The following SHMT1 variants were observed in gnomAD, a reference collection of about 807,000 sequenced individuals.
SHMT1 encodes the protein serine hydroxymethyltransferase, cytosolic.
Under a neutral mutation model 49.0 loss-of-function variants are expected in SHMT1, and 45 were observed. That is an observed-to-expected ratio of 0.92 (90% confidence interval 0.72 to 1.18). The LOEUF (loss-of-function observed/expected upper bound fraction) is 1.18, where lower values mean the gene tolerates loss of function less well. Among genes scored for constraint, SHMT1 ranks in the 50% most tolerant of loss-of-function variants. The pLI is 0.00. For synonymous variants in SHMT1, 232 were observed against 246.6 expected (o/e 0.94, Z 0.55); for missense variants, 541 against 612.4 (o/e 0.88, Z 1.23).
intron 1 of SHMT1, among the ~76,000 whole-genome samples, chr17:18,361,662 T>C (rs1187945642): frequency 6.6e-6 from 1 of 151,464 alleles, no homozygotes; most frequent in Non-Finnish European, 1.5e-5. Flanking sequence ...TGGCGGCGCC[T>C]GTAGTCCCAG....
chr17:18,348,360 G>A lies in SHMT1; in HGVS notation c.323C>T (p.Pro108Leu). 1 of 1,613,798 alleles carries A rather than the reference G, an allele frequency of 6.2e-7. No individual in the cohort carries two copies. Among genetic ancestry groups the A allele is most frequent in the South Asian group, 1.1e-5 (1 of 91,066 alleles). ...CTGGACGTTGACCCCCCAGCACTGT[G>A]GGTCCAGCTTATAGGCCTGCAGGGC... ...KRALQAYKLD[P>L]QCWGVNVQPY... The change falls in exon 4 of 12, where the codon CCA becomes CTA. Residue 108 changes from proline (P) to leucine (L), a missense_variant. Transcript: ENST00000316694.
chr17:18,354,489 G>C (rs145850149), intron 2 of SHMT1, among the ~76,000 whole-genome samples: 3 of 151,978 alleles, frequency 2.0e-5, no homozygotes, highest in South Asian at 4.1e-4. Context: ...TCAGCTACTC[G>C]GGGGGCCGAG....
chr17:18,353,521 A>AGTGTT, intron 3 of SHMT1, 151 bp downstream of exon 3: 4 of 846,440 alleles, frequency 4.7e-6, no homozygotes, highest in Non-Finnish European at 8.2e-6. Flanking sequence ...GCTGGGAATA[A>AGTGTT]AAGAGTTCTG....
chr17:18,350,111 G>A (rs531086828), intron 3 of SHMT1, among the ~76,000 whole-genome samples: 3 of 152,166 alleles, frequency 2.0e-5, no homozygotes, highest in East Asian at 3.9e-4. Context: ...GGCGGATCAC[G>A]AGGTCAGGAG....
At position 18,328,606 on chromosome 17, in the gene SHMT1, GAA is replaced by G. The variant is rs1386262526; in HGVS notation, c.*142_*143del. ...AAATTTTGATTTGTGAAGAAAACATGAAAAAAGTCCAAAAGAAACCCCCTCAA... is the reference window on the plus strand; with the variant it reads ...AAATTTTGATTTGTGAAGAAAACATGAAAAGTCCAAAAGAAACCCCCTCAA... On this transcript the variant is annotated 3_prime_UTR_variant, in exon 12 of 12. Coordinates refer to ENST00000316694, the MANE Select transcript of SHMT1 (RefSeq NM_004169.5). 1.5e-5 allele frequency: 12 copies of G among 817,742 alleles called. No homozygotes were observed. The highest frequency in any genetic ancestry group is 2.3e-5 in the Non-Finnish European group (12 of 526,748). 50.7% of individuals were successfully genotyped at this position (817,742 alleles called of 1,614,324 possible). A position where few individuals can be genotyped will look rare whatever the true frequency, so the allele number is the denominator to read the frequency against.
At chr17:18,337,667 C>T (rs1983959423) in intron 7 of SHMT1, among the ~76,000 whole-genome samples, 1 of 151,998 alleles carries the variant, frequency 6.6e-6, no homozygotes, top group Admixed American at 6.6e-5. Flanking sequence ...ACTGCAACCT[C>T]CCTGCCTGAT....
At chr17:18,352,129 G>C (rs1985773810) in intron 3 of SHMT1, among the ~76,000 whole-genome samples, 1 of 148,394 alleles carries the variant, frequency 6.7e-6, no homozygotes, top group Non-Finnish European at 1.5e-5. Flanking sequence ...ACAGGGGTGA[G>C]CCACTACACT....
At chr17:18,361,726 C>T (rs1336200754) in intron 1 of SHMT1, among the ~76,000 whole-genome samples, 1 of 151,042 alleles carries the variant, frequency 6.6e-6, no homozygotes, top group Non-Finnish European at 1.5e-5. Context: ...GCGGAGCTTG[C>T]AGTGAGCCGA....
Position 18,353,705 on chromosome 17 carries a change from T to C in SHMT1, c.209A>G (p.Asn70Ser), listed in dbSNP as rs1193634465. The stretch of plus-strand genomic sequence containing the variant: ...CGGGTACCCCTCAGAGTATTTGTTA[T>C]TTAAGCAAGAGCCTAGGGCCTCCAA... ...AVLEALGSCL[N>S]NKYSEGYPGQ... Residue 70 changes from asparagine to serine, a missense_variant, in exon 3 of 12, where the codon AAT becomes AGT. Transcript: ENST00000316694. The C allele has an allele frequency of 6.2e-7, 1 of 1,614,160 alleles. No homozygotes were observed. Among genetic ancestry groups the C allele is most frequent in the Non-Finnish European group, 8.5e-7 (1 of 1,180,032 alleles).
At chr17:18,346,831 A>G (rs2151589433) in intron 5 of SHMT1, among the ~76,000 whole-genome samples, 1 of 152,280 alleles carries the variant, frequency 6.6e-6, no homozygotes, top group South Asian at 2.1e-4. Flanking sequence ...CATGTAATCT[A>G]CTGAATACTG....
chr17:18,354,067 G>A (rs1340744935), intron 2 of SHMT1, among the ~76,000 whole-genome samples: 11 of 152,134 alleles, frequency 7.2e-5, no homozygotes, highest in African/African-American at 2.7e-4. Context: ...TGGATCACCT[G>A]AGGTCAGGAG....
Position 18,340,040 on chromosome 17 carries a change from C to T in SHMT1, c.814+3G>A. ...CATCTGTACCCAACATTCGGGAGCT[C>T]ACCTTTCCTGTAGAAGATCATGCCA... On this transcript the variant is annotated splice_donor_region_variant and intron_variant, in intron 7 of 11. Coordinates refer to ENST00000316694, the MANE Select transcript of SHMT1 (RefSeq NM_004169.5). The surrounding 1 kb of genome is among the most constrained non-coding windows in gnomAD (Gnocchi z 4.5). 3 of 1,613,096 alleles carry T rather than the reference C, an allele frequency of 1.9e-6. No individual in the cohort carries two copies. The highest frequency in any genetic ancestry group is 2.5e-6 in the Non-Finnish European group (3 of 1,180,004).
chr17:18,345,246 C>T (rs761071890), intron 5 of SHMT1, among the ~76,000 whole-genome samples: 89 of 152,206 alleles, frequency 5.8e-4, no homozygotes, highest in Admixed American at 1.3e-3. Context: ...GAACTGGGTG[C>T]GGGACGCAGA....
At chr17:18,343,959 T>C (rs1334866896) in intron 5 of SHMT1, among the ~76,000 whole-genome samples, 1 of 142,514 alleles carries the variant, frequency 7.0e-6, no homozygotes, top group East Asian at 2.1e-4. Context: ...TAAGCACACA[T>C]AACCAGCAGA....
intron 3 of SHMT1, among the ~76,000 whole-genome samples, chr17:18,350,882 A>C (rs1598054073): frequency 6.6e-6 from 1 of 150,508 alleles, no homozygotes; most frequent in East Asian, 2.0e-4. Context: ...ACAGGCACGC[A>C]CCTCCACACC....
At chr17:18,348,504 C>A in intron 3 of SHMT1, 64 bp from the exon 4 acceptor site, 1 of 1,188,146 alleles carries the variant, frequency 8.4e-7, no homozygotes, top group Non-Finnish European at 1.3e-6. Context: ...TTCACAGAGG[C>A]CAAAGAAGCT....
chr17:18,337,822 C>T (rs1261479965), intron 7 of SHMT1, among the ~76,000 whole-genome samples: 2 of 152,142 alleles, frequency 1.3e-5, no homozygotes, highest in African/African-American at 2.4e-5. Flanking sequence ...CATCTGCCAG[C>T]CTCGGCCTCC....
At chr17:18,360,139 T>C (rs1236772048) in intron 1 of SHMT1, among the ~76,000 whole-genome samples, 2 of 151,440 alleles carry the variant, frequency 1.3e-5, no homozygotes, top group Non-Finnish European at 2.9e-5. Flanking sequence ...ATACCAGCTA[T>C]GCGGGAGGCT....
At chr17:18,345,130 G>T (rs1984948821) in intron 5 of SHMT1, among the ~76,000 whole-genome samples, 1 of 152,192 alleles carries the variant, frequency 6.6e-6, no homozygotes, top group Non-Finnish European at 1.5e-5. Context: ...AGCTGGCCAG[G>T]GTCCCAGGCC....
Sources: allele counts gnomAD v4.1 joint callset (sites outside exome capture counted in the v4.1 genomes callset), GRCh38; gene constraint gnomAD v4.1.1; non-coding constraint Gnocchi (gnomAD v3.1); transcripts MANE v1.5; gene names NCBI Gene and HGNC (gene_info 2026-07-23, HGNC 2026-07-21).